SCRIB: variants seen among roughly 807,000 people sequenced by gnomAD.
The protein encoded by SCRIB is protein scribble homolog.
In SCRIB, 72 loss-of-function variants were observed where a neutral mutation model predicts 170.0. The ratio of observed to expected loss-of-function variants is 0.42; its 90% CI spans 0.35 to 0.52. The LOEUF (loss-of-function observed/expected upper bound fraction) is 0.52. Among genes scored for constraint, SCRIB ranks in the 20% least tolerant of loss-of-function variants. The probability of loss-of-function intolerance (pLI) is 0.02; values close to 1 mark genes in which losing one functional copy is unlikely to be tolerated. For synonymous variants in SCRIB, 1,298 were observed against 1,044.3 expected (o/e 1.24, Z -4.68); for missense variants, 2,475 against 2,338.5 (o/e 1.06, Z -1.20).
rs1554633932 is a variant in SCRIB at position 143,795,504 on chromosome 8, G to T, written c.3630C>A (p.Pro1210=). ...TCCGGTGGCCGATGCCTGCCGCAAAGGGGTTGGCAATGACACCTGGGGACA... is the reference window on the plus strand; with the variant it reads ...TCCGGTGGCCGATGCCTGCCGCAAATGGGTTGGCAATGACACCTGGGGACA... ...LEVSPGVIAN[P]FAAGIGHRNS... Residue 1210 remains proline (P), a synonymous_variant, in exon 25 of 37, where the codon CCC becomes CCA. Coordinates refer to ENST00000356994, the MANE Select transcript of SCRIB (RefSeq NM_182706.5). The T allele has an allele frequency of 3.1e-6, 5 of 1,612,994 alleles. No homozygotes were observed. The highest frequency in any genetic ancestry group is 4.2e-6 in the Non-Finnish European group (5 of 1,179,670).
intron 8 of SCRIB, 83 bp downstream of exon 8, chr8:143,812,734 C>T (rs974558006): frequency 1.5e-5 from 22 of 1,505,634 alleles, no homozygotes; most frequent in Non-Finnish European, 1.8e-5. Context: ...CTGTGTTCCA[C>T]ACCACACACA....
rs147910269 is a variant in SCRIB at position 143,804,905 on chromosome 8, G to A, written c.2751+29C>T. On this transcript the variant is annotated intron_variant, in intron 20 of 36. Coordinates refer to ENST00000356994, the MANE Select transcript of SCRIB (RefSeq NM_182706.5). The stretch of plus-strand genomic sequence containing the variant: ...GCGGGGCGGGGCAGGGGGGATGGGT[G>A]GGTGGGGCGGGGCCCCATCCCCACT... The A allele has an allele frequency of 4.3e-3, 6,604 of 1,527,776 alleles. 223 individuals are homozygous for A. In the African/African-American group the frequency reaches 0.078, roughly 18 times the overall value. The allele number at this position is 1,527,776 out of a possible 1,614,324, so 94.6% of individuals were successfully genotyped here. A position where few individuals can be genotyped will look rare whatever the true frequency, so the allele number is the denominator to read the frequency against.
chr8:143,798,193 T>C (rs982646393), intron 24 of SCRIB, among the ~76,000 whole-genome samples: 2 of 151,564 alleles, frequency 1.3e-5, no homozygotes, highest in Non-Finnish European at 2.9e-5. Flanking sequence ...GAGGTGGAGG[T>C]TGCAATGAGC....
chr8:143,810,757 C>T lies in SCRIB; in HGVS notation c.1333G>A (p.Val445Ile), dbSNP rs773518400. ...ETWSDAPPSR[V>I]SVIQFLEAPI... ...GCCTCCAGGAACTGGATGACGCTGACGCGGCTCGGCGGGGCATCGCTCCAG... is the reference window on the plus strand; with the variant it reads ...GCCTCCAGGAACTGGATGACGCTGATGCGGCTCGGCGGGGCATCGCTCCAG... Residue 445 changes from valine to isoleucine, a missense_variant, in exon 12 of 37, where the codon GTC becomes ATC. Val to Ile is a conservative substitution (Grantham distance 29). Coordinates refer to ENST00000356994, the MANE Select transcript of SCRIB (RefSeq NM_182706.5). 15 of 1,607,776 alleles carry T rather than the reference C, an allele frequency of 9.3e-6. No homozygotes were observed. The highest frequency in any genetic ancestry group is 6.6e-5 in the South Asian group (6 of 90,966).
At chr8:143,796,805 G>A (rs1490423812) in intron 24 of SCRIB, among the ~76,000 whole-genome samples, 3 of 152,162 alleles carry the variant, frequency 2.0e-5, no homozygotes, top group African/African-American at 7.2e-5. Context: ...AGAGAGGCAG[G>A]GGTCCTGGCA....
chr8:143,795,439 C>A lies in SCRIB; in HGVS notation c.3695G>T (p.Ser1232Ile). 1.2e-6 allele frequency: 2 copies of A among 1,613,166 alleles called. No individual in the cohort carries two copies. Among genetic ancestry groups the A allele is most frequent in the African/African-American group, 1.3e-5 (1 of 75,028 alleles). ...ESISSIDREL[S>I]PEGPGKEKEL... ...TCTGACCTTGCCTGGGCCCTCAGGG[C>A]TCAGCTCCCGGTCGATGGAAGAGAT... Residue 1232 changes from serine to isoleucine, a missense_variant, in exon 25 of 37, where the codon AGC (serine) becomes ATC (isoleucine). Coordinates refer to ENST00000356994, the MANE Select transcript of SCRIB (RefSeq NM_182706.5).
chr8:143,791,791 G>C lies in SCRIB; in HGVS notation c.4696-51C>G, dbSNP rs377692979. 9 of 1,283,218 alleles carry C rather than the reference G, an allele frequency of 7.0e-6. 1 individual carries two copies. In the African/African-American group the frequency reaches 1.4e-4, roughly 19 times the overall value. The allele number at this position is 1,283,218 out of a possible 1,614,324, so 79.5% of individuals were successfully genotyped here. ...GGCAGAGAGTGAGAGGAAAGGGGGG[G>C]ATGAGGGCCACGGGGGTGGGGGCAG... On this transcript the variant is annotated intron_variant, in intron 34 of 36. Coordinates refer to ENST00000356994, the MANE Select transcript of SCRIB (RefSeq NM_182706.5).
rs375831778 is a variant in SCRIB, at chr8:143,811,082, G to A, written c.1107-10C>T. On this transcript the variant is annotated splice_polypyrimidine_tract_variant and intron_variant, in intron 10 of 36. Transcript: ENST00000356994. ...CGGCAGACTCTGCAGGCTGCGGGCC[G>A]GGCGGGCACAGTCAGCAGGCGTTGG... 8.7e-6 allele frequency: 14 copies of A among 1,609,228 alleles called. No individual in the cohort carries two copies. Among genetic ancestry groups the A allele is most frequent in the African/African-American group, 4.0e-5 (3 of 74,906 alleles).
Position 143,791,294 on chromosome 8 carries a change from C to T in SCRIB, c.4837G>A (p.Asp1613Asn). The T allele has an allele frequency of 1.3e-6, 2 of 1,558,154 alleles. No individual in the cohort carries two copies. Among genetic ancestry groups the T allele is most frequent in the Non-Finnish European group, 1.7e-6 (2 of 1,151,376 alleles). ...PSPSPGPQEE[D>N]GEVALVLLGR... ...AGAAGCACCAGAGCCACTTCTCCAT[C>T]CTCCTCCTGCGGGCCTGGAGGGCAG... The change falls in exon 37 of 37, where the codon GAT becomes AAT. Residue 1613 changes from aspartate to asparagine, a missense_variant. By Grantham distance (23) the Asp-to-Asn change is conservative. This residue lies in a region of SCRIB where 1,966 missense variants were observed against 1,742.9 expected (regional missense o/e 1.13). Transcript: ENST00000356994.
At position 143,804,159 on chromosome 8, in the gene SCRIB, G is replaced by A. The variant is rs782369635; in HGVS notation, c.3010-3C>T. On this transcript the variant is annotated splice_polypyrimidine_tract_variant and splice_region_variant and intron_variant, in intron 21 of 36. Transcript: ENST00000356994. ...CCAGCTCTTGGCAGACGGATCTCCT[G>A]GGGATTTAGGGCGGGACAAGGACAG... is the stretch of plus-strand genomic sequence containing the variant. 2 of 1,600,840 alleles carry A rather than the reference G, an allele frequency of 1.2e-6. No individual in the cohort carries two copies. The highest frequency in any genetic ancestry group is 1.7e-5 in the Admixed American group (1 of 58,914).
rs782183755 is a variant in SCRIB, at chr8:143,804,150, G to A, written c.3016C>T (p.Arg1006Cys). 38 of 1,606,712 alleles carry A rather than the reference G, an allele frequency of 2.4e-5. No individual in the cohort carries two copies. Among genetic ancestry groups the A allele is most frequent in the East Asian group, 8.9e-5 (4 of 44,738 alleles). ...AGAGGGCCCCCAGCTCTTGGCAGAC[G>A]GATCTCCTGGGGATTTAGGGCGGGA... The part of the protein sequence containing the change: ...LEGPYPVEEI[R>C]LPRAGGPLGL... The change falls in exon 22 of 37, where the codon CGT (arginine) becomes TGT (cysteine). Residue 1006 changes from arginine (R) to cysteine (C), a missense_variant. Physicochemically the swap from Arg to Cys is radical, Grantham distance 180. This residue lies in a region of SCRIB where 1,966 missense variants were observed against 1,742.9 expected (regional missense o/e 1.13). Coordinates refer to ENST00000356994, the MANE Select transcript of SCRIB (RefSeq NM_182706.5).
At chr8:143,806,331 A>G in intron 18 of SCRIB, 76 bp downstream of exon 18, 2 of 1,206,590 alleles carry the variant, frequency 1.7e-6, no homozygotes, top group Non-Finnish European at 2.4e-6. Context: ...GAAGGCAGCC[A>G]AGCACCCTAA....
chr8:143,815,647 T>C lies in SCRIB; in HGVS notation c.-275A>G. ...CGGCGGCGGCGGCTCCGCATCCCGCTTGGTCCTGCTCAGCTCGTCCCGCCC... is the reference window on the plus strand; with the variant it reads ...CGGCGGCGGCGGCTCCGCATCCCGCCTGGTCCTGCTCAGCTCGTCCCGCCC... On this transcript the variant is annotated 5_prime_UTR_variant, in exon 1 of 37. Transcript: ENST00000356994. The C allele has an allele frequency of 2.0e-6, 2 of 982,860 alleles. No individual in the cohort carries two copies. The highest frequency in any genetic ancestry group is 2.4e-6 in the Non-Finnish European group (2 of 828,840). The allele number at this position is 982,860 out of a possible 1,614,324, so 60.9% of individuals were successfully genotyped here.
rs1815331869 is a variant in SCRIB, at chr8:143,804,695, T to C, written c.2882A>G (p.His961Arg). The part of the protein sequence containing the change: ...GGPLPPSPLP[H>R]SSPPTAAVAT... ...AACAGCAGCGGTGGGGGGTGAGGAA[T>C]GTGGCAGAGGGCTGGGAGGAAGAGG... The change falls in exon 21 of 37, where the codon CAT (histidine) becomes CGT (arginine). Residue 961 changes from histidine to arginine, a missense_variant. Physicochemically the swap from His to Arg is conservative, Grantham distance 29. Transcript: ENST00000356994. The C allele has an allele frequency of 6.4e-7, 1 of 1,570,278 alleles. No homozygotes were observed. The highest frequency in any genetic ancestry group is 8.7e-7 in the Non-Finnish European group (1 of 1,155,642).
At chr8:143,813,141 C>G (rs374606835) in intron 6 of SCRIB, 37 bp from the exon 7 acceptor site, 2 of 1,573,950 alleles carry the variant, frequency 1.3e-6, no homozygotes, top group Admixed American at 1.8e-5. Context: ...GACTATGAGG[C>G]AAAGCCTCCT....
intron 28 of SCRIB, chr8:143,793,584 CA>C: frequency 2.7e-6 from 1 of 376,856 alleles, no homozygotes; most frequent in Non-Finnish European, 4.8e-6. Context: ...GACCCCCAGA[CA>C]AAAGGCAGGC....
In SCRIB at chr8:143,810,739, G is replaced by A; in HGVS notation, c.1351C>T (p.Leu451=). The change falls in exon 12 of 37, where the codon CTG becomes TTG. Residue 451 remains leucine, a synonymous_variant. Coordinates refer to ENST00000356994, the MANE Select transcript of SCRIB (RefSeq NM_182706.5). ...TCCTCATCACCTATGGGGGCCTCCA[G>A]GAACTGGATGACGCTGACGCGGCTC... ...PPSRVSVIQF[L]EAPIGDEDAE... The A allele has an allele frequency of 1.2e-6, 2 of 1,609,192 alleles. No individual in the cohort carries two copies. Among genetic ancestry groups the A allele is most frequent in the South Asian group, 2.2e-5 (2 of 90,964 alleles).
rs1816040277 is a variant in SCRIB, at chr8:143,815,445, G to T, written c.-73C>A. ...GGGGCCGGGGGGCGGGGCTCAGTCC[G>T]CATGGGCGCCGCGCATGGGGAGGGG... On this transcript the variant is annotated 5_prime_UTR_variant, in exon 1 of 37. Transcript: ENST00000356994. 2 of 1,161,510 alleles carry T rather than the reference G, an allele frequency of 1.7e-6. No individual in the cohort carries two copies. The highest frequency in any genetic ancestry group is 4.2e-5 in the South Asian group (1 of 23,772). The allele number at this position is 1,161,510 out of a possible 1,614,324, so 72.0% of individuals were successfully genotyped here. A position where few individuals can be genotyped will look rare whatever the true frequency, so the allele number is the denominator to read the frequency against.
chr8:143,813,131 G>A, intron 6 of SCRIB, 27 bp from the exon 7 acceptor site: 5 of 1,571,428 alleles, frequency 3.2e-6, no homozygotes, highest in Non-Finnish European at 4.3e-6. Flanking sequence ...AGAAAATAGT[G>A]ACTATGAGGC....
Sources: allele counts gnomAD v4.1 joint callset (sites outside exome capture counted in the v4.1 genomes callset), GRCh38; gene constraint gnomAD v4.1.1; regional missense constraint gnomAD v4.1.1; transcripts MANE v1.5; gene names NCBI Gene and HGNC (gene_info 2026-07-23, HGNC 2026-07-21).